MSH4: variants seen among roughly 807,000 people sequenced by gnomAD.
MSH4 encodes mutS protein homolog 4.
Under a neutral mutation model 113.7 loss-of-function variants are expected in MSH4, and 106 were observed. That is an observed-to-expected ratio of 0.93 (90% CI 0.80 to 1.10). The LOEUF is 1.10. Among genes scored for constraint, MSH4 ranks in the 50% least tolerant of loss-of-function variants. MSH4 has a pLI of 0.00. For missense variants in MSH4, 1,061 were observed against 1,093.7 expected (o/e 0.97, Z 0.42); for synonymous variants, 368 against 380.2 (o/e 0.97, Z 0.37).
At chr1:75,822,122 A>G (rs984616659) in intron 6 of MSH4, among the ~76,000 whole-genome samples, 2 of 152,038 alleles carry the variant, frequency 1.3e-5, no homozygotes, top group Non-Finnish European at 2.9e-5. Flanking sequence ...TCTACTAAAA[A>G]TACAAAAATA....
At position 75,879,018 on chromosome 1, in the gene MSH4, T is replaced by C; in HGVS notation, c.1567T>C (p.Tyr523His). ...AATGATATCACAACTTGGAGAAAAA[T>C]ATAGTCTACCTTTAAGGACAAGTTT... ...AGMISQLGEK[Y>H]SLPLRTSFSS... is the part of the protein sequence containing the mutation. The change falls in exon 12 of 20, where the codon TAT (tyrosine) becomes CAT (histidine). Residue 523 changes from tyrosine to histidine, a missense_variant. Tyr to His is a moderately conservative substitution (Grantham distance 83, BLOSUM62 2). Transcript: ENST00000263187. 6.2e-7 allele frequency: 1 copy of C among 1,610,566 alleles called. No individual in the cohort carries two copies. The highest frequency in any genetic ancestry group is 8.5e-7 in the Non-Finnish European group (1 of 1,177,224).
chr1:75,887,018 G>A (rs911754543), intron 15 of MSH4, among the ~76,000 whole-genome samples: 1 of 151,678 alleles, frequency 6.6e-6, no homozygotes, highest in Admixed American at 6.6e-5. Flanking sequence ...ATAAAATGAG[G>A]AAAGTCAGGC....
chr1:75,860,728 C>T (rs1032954176), intron 8 of MSH4, among the ~76,000 whole-genome samples: 3 of 152,104 alleles, frequency 2.0e-5, no homozygotes, highest in Non-Finnish European at 4.4e-5. Flanking sequence ...GTGAATCTGC[C>T]AATTATGTGT....
At chr1:75,908,248 A>G (rs1366665313) in intron 19 of MSH4, among the ~76,000 whole-genome samples, 1 of 149,526 alleles carries the variant, frequency 6.7e-6, no homozygotes, top group Non-Finnish European at 1.5e-5. Context: ...TGGGTTCAAG[A>G]AATTCTGCTG....
intron 1 of MSH4, among the ~76,000 whole-genome samples, chr1:75,798,212 G>A (rs990763460): frequency 6.6e-6 from 1 of 152,102 alleles, no homozygotes; most frequent in Non-Finnish European, 1.5e-5. Context: ...TCCTGCCTCG[G>A]TCTGCCCAAG....
chr1:75,830,224 A>G (rs1650651556), intron 7 of MSH4, among the ~76,000 whole-genome samples: 1 of 152,268 alleles, frequency 6.6e-6, no homozygotes, highest in Admixed American at 6.5e-5. Flanking sequence ...TGAAGCAAAA[A>G]GACAAGTTTA....
At chr1:75,812,310 G>A (rs987914699) in intron 4 of MSH4, among the ~76,000 whole-genome samples, 5 of 152,098 alleles carry the variant, frequency 3.3e-5, no homozygotes, top group African/African-American at 7.2e-5. Flanking sequence ...ATTGAACTTC[G>A]GTTTATACTG....
At chr1:75,835,853 A>G (rs1055453646) in intron 7 of MSH4, among the ~76,000 whole-genome samples, 3 of 152,158 alleles carry the variant, frequency 2.0e-5, no homozygotes, top group African/African-American at 7.2e-5. Context: ...TGTGCCCAGT[A>G]CTGTGCTGAG....
At chr1:75,829,035 CA>C (rs1650621884) in intron 7 of MSH4, among the ~76,000 whole-genome samples, 1 of 152,230 alleles carries the variant, frequency 6.6e-6, no homozygotes, top group Admixed American at 6.5e-5. Flanking sequence ...CCTTTCCCAG[CA>C]AAGGGAAGCC....
chr1:75,892,959 A>G (rs925359226), intron 17 of MSH4, among the ~76,000 whole-genome samples: 1 of 152,158 alleles, frequency 6.6e-6, no homozygotes, highest in South Asian at 2.1e-4. Flanking sequence ...CTTTTCTTCC[A>G]GGTGAATGCA....
rs376837637 is a variant in MSH4 at position 75,863,134 on chromosome 1, A to G, written c.1231-4380A>G. ...TTTTTTCAAATGATTTCAGACTGCC[A>G]TATAGAGTATCTGAAGTATATGATT... is the stretch of plus-strand genomic sequence containing the variant. On this transcript the variant is annotated intron_variant, in intron 8 of 19. Coordinates refer to ENST00000263187, the MANE Select transcript of MSH4 (RefSeq NM_002440.4). 5.3e-5 allele frequency among the ~76,000 whole-genome samples: 8 copies of G among 152,242 alleles called. No individual in the cohort carries two copies. The East Asian group carries it at 1.3e-3, about 26-fold the overall frequency.
At chr1:75,863,753 AAC>A (rs1291110414) in intron 8 of MSH4, among the ~76,000 whole-genome samples, 5 of 152,182 alleles carry the variant, frequency 3.3e-5, no homozygotes, top group Non-Finnish European at 5.9e-5. Flanking sequence ...GACTCAGATG[AAC>A]ACACTCATTT....
chr1:75,850,114 G>A (rs1004775879), intron 8 of MSH4, among the ~76,000 whole-genome samples: 1 of 151,938 alleles, frequency 6.6e-6, no homozygotes. Flanking sequence ...TATTCTCAAG[G>A]AGCCAACTTT....
At chr1:75,815,559 T>TAGGAGTAAA (rs1650277006) in intron 5 of MSH4, among the ~76,000 whole-genome samples, 1 of 152,218 alleles carries the variant, frequency 6.6e-6, no homozygotes, top group Admixed American at 6.5e-5. Context: ...CCTAACAGAT[T>TAGGAGTAAA]CAGCATGAGA....
At chr1:75,875,441 T>C (rs901181937) in intron 9 of MSH4, among the ~76,000 whole-genome samples, 4 of 152,136 alleles carry the variant, frequency 2.6e-5, no homozygotes, top group African/African-American at 9.7e-5. Flanking sequence ...GCAGCACACA[T>C]TCATAACAGA....
intron 17 of MSH4, among the ~76,000 whole-genome samples, chr1:75,896,773 A>G (rs1055642199): frequency 2.6e-5 from 4 of 152,172 alleles, no homozygotes. Context: ...TTAACCTGAA[A>G]TAGAGTCTAC....
At chr1:75,907,986 A>G (rs1652705472) in intron 19 of MSH4, among the ~76,000 whole-genome samples, 1 of 150,180 alleles carries the variant, frequency 6.7e-6, no homozygotes, top group South Asian at 2.1e-4. Flanking sequence ...CTGGTATTAT[A>G]GGCATGAGCC....
At chr1:75,843,790 A>G (rs1438999169) in intron 7 of MSH4, among the ~76,000 whole-genome samples, 1 of 152,118 alleles carries the variant, frequency 6.6e-6, no homozygotes, top group Non-Finnish European at 1.5e-5. Context: ...AGCAGGTAAA[A>G]TAAACATTTT....
chr1:75,797,146 C>A lies in MSH4; in HGVS notation c.161C>A (p.Pro54His). 3 of 1,613,528 alleles carry A rather than the reference C, an allele frequency of 1.9e-6. No homozygotes were observed. Among genetic ancestry groups the A allele is most frequent in the South Asian group, 1.1e-5 (1 of 91,036 alleles). ...SVQVVSASTC[P>H]GTSGAAGDRS... ...CAGGTGGTCTCTGCATCCACCTGTC[C>A]TGGCACGTCAGGAGCTGCGGGCGAC... Residue 54 changes from proline (P) to histidine (H), a missense_variant, in exon 1 of 20, where the codon CCT (proline) becomes CAT (histidine). Transcript: ENST00000263187.
Sources: allele counts gnomAD v4.1 joint callset (sites outside exome capture counted in the v4.1 genomes callset), GRCh38; gene constraint gnomAD v4.1.1; transcripts MANE v1.5; gene names NCBI Gene and HGNC (gene_info 2026-07-23, HGNC 2026-07-21).